PTK2: variants seen among roughly 807,000 people sequenced by gnomAD.
PTK2 encodes protein tyrosine kinase 2.
PTK2 carries 45 observed loss-of-function variants against 150.1 expected under a neutral mutation model. The observed-to-expected ratio is 0.30, with a 90% CI of 0.24 to 0.38. PTK2 has a LOEUF of 0.38. Among genes scored for constraint, PTK2 ranks in the 10% least tolerant of loss-of-function variants. The pLI is 1.00. For missense variants in PTK2, 919 were observed against 1,307.3 expected, an observed-to-expected ratio of 0.70 and a Z score of 4.58; for synonymous variants, 432 against 449.2, an observed-to-expected ratio of 0.96 and a Z score of 0.48.
intron 3 of PTK2, among the ~76,000 whole-genome samples, chr8:140,884,581 C>A (rs956164542): frequency 4.6e-5 from 7 of 152,186 alleles, no homozygotes; most frequent in Non-Finnish European, 7.3e-5. Context: ...TGACACCTAA[C>A]AATAAACACT....
At chr8:140,967,464 T>TCTTTC (rs200912371) in intron 1 of PTK2, among the ~76,000 whole-genome samples, 5 of 53,970 alleles carry the variant, frequency 9.3e-5, no homozygotes, top group African/African-American at 1.8e-4. Context: ...TTTCTTTCTT[T>TCTTTC]TTTTTTTTTT....
intron 26 of PTK2, among the ~76,000 whole-genome samples, chr8:140,699,753 T>G (rs1273490518): frequency 6.6e-6 from 1 of 151,944 alleles, no homozygotes; most frequent in Non-Finnish European, 1.5e-5. Flanking sequence ...ACTAAAATTT[T>G]AGAGAAATTT....
intron 5 of PTK2, among the ~76,000 whole-genome samples, chr8:140,853,707 C>G (rs978009957): frequency 2.0e-5 from 3 of 151,968 alleles, no homozygotes; most frequent in African/African-American, 7.3e-5. Flanking sequence ...CTTCAATTAT[C>G]AAAAATATAC....
At chr8:140,693,580 A>T (rs1204905156) in intron 26 of PTK2, among the ~76,000 whole-genome samples, 49 of 134,890 alleles carry the variant, frequency 3.6e-4, no homozygotes, top group African/African-American at 1.2e-3. Context: ...AAAAAAAAAA[A>T]AAAAAAAAAA....
At position 140,680,064 on chromosome 8, in the gene PTK2, G is replaced by A. The variant is rs73366312; in HGVS notation, c.2563-4565C>T. Among the ~76,000 whole-genome samples the A allele has an allele frequency of 3.4e-3, 516 of 152,328 alleles. 5 individuals are homozygous for A. The highest frequency in any genetic ancestry group is 0.012 in the African/African-American group (486 of 41,560). ...GTCCTGGTCTACTCATTTGTGAAAT[G>A]TGGATGACGACAGTACCCGATGTGT... On this transcript the variant is annotated intron_variant, in intron 27 of 31. Transcript: ENST00000522684.
chr8:140,928,562 C>T (rs918761428), intron 1 of PTK2, among the ~76,000 whole-genome samples: 4 of 152,164 alleles, frequency 2.6e-5, no homozygotes, highest in African/African-American at 9.7e-5. Flanking sequence ...CCCAGGTGTT[C>T]ATCCACAAAT....
intron 9 of PTK2, among the ~76,000 whole-genome samples, 191 bp from the exon 10 acceptor site, chr8:140,818,545 A>G (rs555895141): frequency 6.6e-6 from 1 of 152,364 alleles, no homozygotes; most frequent in African/African-American, 2.4e-5. Context: ...CACAAAGTGC[A>G]CTGTGCTTAT....
intron 5 of PTK2, among the ~76,000 whole-genome samples, chr8:140,848,026 C>T (rs1249230506): frequency 1.3e-5 from 2 of 152,194 alleles, no homozygotes; most frequent in African/African-American, 4.8e-5. Flanking sequence ...CCCACTCATC[C>T]TCTTCATGTT....
At chr8:140,702,153 A>AAAAAAG (rs2100030913) in intron 25 of PTK2, among the ~76,000 whole-genome samples, 1 of 138,468 alleles carries the variant, frequency 7.2e-6, no homozygotes, top group Non-Finnish European at 1.6e-5. Flanking sequence ...AAAAAAAAAA[A>AAAAAAG]GTCATTAAAA....
chr8:140,841,404 A>G (rs1319979614), intron 7 of PTK2, among the ~76,000 whole-genome samples: 1 of 152,186 alleles, frequency 6.6e-6, no homozygotes, highest in Non-Finnish European at 1.5e-5. Flanking sequence ...ACGCTATCTG[A>G]GCATAATGTC....
At chr8:140,905,176 A>C (rs1225866894) in intron 2 of PTK2, among the ~76,000 whole-genome samples, 1 of 152,206 alleles carries the variant, frequency 6.6e-6, no homozygotes, top group Non-Finnish European at 1.5e-5. Context: ...TGTGTCCCAG[A>C]TTAACTTTAA....
chr8:140,704,321 T>C (rs2100032454), intron 24 of PTK2, among the ~76,000 whole-genome samples: 1 of 152,182 alleles, frequency 6.6e-6, no homozygotes, highest in African/African-American at 2.4e-5. Flanking sequence ...AGGTTAATCA[T>C]ACATTAGTTC....
intron 14 of PTK2, among the ~76,000 whole-genome samples, chr8:140,781,584 T>C (rs146830984): frequency 2.3e-3 from 343 of 152,304 alleles, no homozygotes; most frequent in Admixed American, 2.6e-3. Context: ...AAATCCACTT[T>C]AAATTTTTGT....
At chr8:140,681,682 C>T (rs766865669) in intron 27 of PTK2, among the ~76,000 whole-genome samples, 5 of 152,026 alleles carry the variant, frequency 3.3e-5, no homozygotes, top group African/African-American at 4.8e-5. Context: ...GAGGCTGAGG[C>T]AGGAGAATGG....
chr8:140,670,475 A>C (rs1337226397), intron 29 of PTK2, among the ~76,000 whole-genome samples: 69 of 66,430 alleles, frequency 1.0e-3, no homozygotes, highest in African/African-American at 3.4e-3. Flanking sequence ...AAAAAAAAAA[A>C]AAAAAAAACA....
At chr8:140,908,686 T>TG (rs201644088) in intron 2 of PTK2, among the ~76,000 whole-genome samples, 3,991 of 151,668 alleles carry the variant, frequency 0.026, 171 homozygotes, top group African/African-American at 0.087. Flanking sequence ...AGATAAGATT[T>TG]GGGGGGGGAC....
chr8:140,934,322 A>G (rs2100172896), intron 1 of PTK2, among the ~76,000 whole-genome samples: 1 of 152,162 alleles, frequency 6.6e-6, no homozygotes, highest in Non-Finnish European at 1.5e-5. Flanking sequence ...GCAGGAGGAC[A>G]GCTTAAGGAC....
At chr8:140,800,007 A>AT (rs1421214674) in intron 12 of PTK2, among the ~76,000 whole-genome samples, 4 of 152,072 alleles carry the variant, frequency 2.6e-5, no homozygotes, top group African/African-American at 7.2e-5. Context: ...CTAATCTTTG[A>AT]TTTTTTAACA....
intron 27 of PTK2, among the ~76,000 whole-genome samples, chr8:140,679,623 A>G (rs2153536062): frequency 6.6e-6 from 1 of 152,286 alleles, no homozygotes; most frequent in African/African-American, 2.4e-5. Context: ...CAATTTGTAA[A>G]CTGAGGCTAA....
Sources: gnomAD v4.1 joint callset for allele counts (sites outside exome capture counted in the v4.1 genomes callset) on GRCh38, gnomAD v4.1.1 for gene constraint, MANE v1.5 for transcripts, NCBI Gene and HGNC (gene_info 2026-07-23, HGNC 2026-07-21) for gene names.